The following FAM237B variants were observed in gnomAD, a reference collection of about 807,000 sequenced individuals.
FAM237B encodes protein FAM237B.
In FAM237B at chr7:90,317,380, A is replaced by T. The variant is rs1005875414; in HGVS notation, c.*1949T>A. The stretch of plus-strand genomic sequence containing the variant: ...TGGACATAAAATCACTCATGTTTAC[A>T]CGCTGTCTGGTCATTTTTATGAGAA... On this transcript the variant is annotated 3_prime_UTR_variant, in exon 3 of 3. Coordinates refer to ENST00000692316, the MANE Select transcript of FAM237B (RefSeq NM_001384237.2). 9.2e-5 allele frequency: 14 copies of T among 152,134 alleles called. No individual in the cohort carries two copies. Among genetic ancestry groups the T allele is most frequent in the Admixed American group, 5.2e-4 (8 of 15,272 alleles). The allele number at this position is 152,134 out of a possible 1,614,324, so 9.4% of individuals were successfully genotyped here. A position where few individuals can be genotyped will look rare whatever the true frequency, so the allele number is the denominator to read the frequency against.
chr7:90,319,799 T>A (rs1795145226), intron 2 of FAM237B, 48 bp from the exon 3 acceptor site: 2 of 398,138 alleles, frequency 5.0e-6, no homozygotes, highest in African/African-American at 4.1e-5. Context: ...TTAAAAAAGT[T>A]ATTCAATCAC....
chr7:90,321,166 G>T lies in FAM237B; in HGVS notation c.-295C>A, dbSNP rs1795278159. Reference sequence around the variant, plus strand: ...CAGCGCTGTGTCACCCACCCCGAGCGCTCACCGGGCGCCCAAGCTCGCTCA... The same window carrying T: ...CAGCGCTGTGTCACCCACCCCGAGCTCTCACCGGGCGCCCAAGCTCGCTCA... On this transcript the variant is annotated 5_prime_UTR_variant, in exon 1 of 3. Transcript: ENST00000692316. The T allele has an allele frequency of 6.6e-6, 1 of 152,398 alleles. No individual in the cohort carries two copies. The highest frequency in any genetic ancestry group is 6.5e-5 in the Admixed American group (1 of 15,306). 9.4% of individuals were successfully genotyped at this position (152,398 alleles called of 1,614,324 possible).
rs572495673 is a variant in FAM237B at position 90,321,156 on chromosome 7, C to G, written c.-285G>C. 2.6e-5 allele frequency: 4 copies of G among 152,422 alleles called. No individual in the cohort carries two copies. In the South Asian group the frequency reaches 8.3e-4, roughly 32 times the overall value. The allele number at this position is 152,422 out of a possible 1,614,324, so 9.4% of individuals were successfully genotyped here. ...CTGGGCGAGGCAGCGCTGTGTCACC[C>G]ACCCCGAGCGCTCACCGGGCGCCCA... On this transcript the variant is annotated 5_prime_UTR_variant, in exon 1 of 3. Transcript: ENST00000692316.
chr7:90,319,149 T>C lies in FAM237B; in HGVS notation c.*180A>G, dbSNP rs938012912. The C allele has an allele frequency of 1.6e-5, 6 of 384,618 alleles. No homozygotes were observed. The highest frequency in any genetic ancestry group is 1.0e-4 in the African/African-American group (5 of 48,416). 23.8% of individuals were successfully genotyped at this position (384,618 alleles called of 1,614,324 possible). On this transcript the variant is annotated 3_prime_UTR_variant, in exon 3 of 3. Coordinates refer to ENST00000692316, the MANE Select transcript of FAM237B (RefSeq NM_001384237.2). ...TACCAAAGTGTATTATATTCCAAGA[T>C]CATTTAAAATTGTAAGTCAGAGCTT...
In FAM237B at chr7:90,318,587, A is replaced by C. The variant is rs1053685465; in HGVS notation, c.*742T>G. On this transcript the variant is annotated 3_prime_UTR_variant, in exon 3 of 3. Transcript: ENST00000692316. ...TATAAGATACCTTATAAAATTGGTT[A>C]CAATTTTATTCCATTGACTATTGTA... The C allele has an allele frequency of 6.6e-6, 1 of 152,112 alleles. No individual in the cohort carries two copies. The highest frequency in any genetic ancestry group is 2.4e-5 in the African/African-American group (1 of 41,448). 9.4% of individuals were successfully genotyped at this position (152,112 alleles called of 1,614,324 possible).
Position 90,319,457 on chromosome 7 carries a change from A to G in FAM237B, c.292T>C (p.Trp98Arg). 2.5e-6 allele frequency: 1 copy of G among 398,624 alleles called. No homozygotes were observed. Among genetic ancestry groups the G allele is most frequent in the Non-Finnish European group, 4.4e-6 (1 of 226,044 alleles). The allele number at this position is 398,624 out of a possible 1,614,324, so 24.7% of individuals were successfully genotyped here. A position where few individuals can be genotyped will look rare whatever the true frequency, so the allele number is the denominator to read the frequency against. The change falls in exon 3 of 3, where the codon TGG becomes CGG. Residue 98 changes from tryptophan to arginine, a missense_variant. Trp to Arg is a moderately radical substitution (Grantham distance 101). Transcript: ENST00000692316. ...AGCAAGCAGTCTACATACATGTCCCAGAAATCCTGAGCTATGTTTAAGAAG... is the reference window on the plus strand; with the variant it reads ...AGCAAGCAGTCTACATACATGTCCCGGAAATCCTGAGCTATGTTTAAGAAG... ...NVFLNIAQDF[W>R]DMYVDCLLSR...
At position 90,319,441 on chromosome 7, in the gene FAM237B, T is replaced by C. The variant is rs1209165228; in HGVS notation, c.308A>G (p.Asp103Gly). ...TCCATGAGATCTTGAAAGCAAGCAG[T>C]CTACATACATGTCCCAGAAATCCTG... ...IAQDFWDMYVDCLLSRSHGMG... is the reference protein window; with the variant it reads ...IAQDFWDMYVGCLLSRSHGMG... The change falls in exon 3 of 3, where the codon GAC (aspartate) becomes GGC (glycine). Residue 103 changes from aspartate (D) to glycine (G), a missense_variant. Physicochemically the swap from Asp to Gly is moderately conservative, Grantham distance 94. Transcript: ENST00000692316. 3 of 398,462 alleles carry C rather than the reference T, an allele frequency of 7.5e-6. No homozygotes were observed. In the Admixed American group the frequency reaches 1.3e-4, roughly 18 times the overall value. 24.7% of individuals were successfully genotyped at this position (398,462 alleles called of 1,614,324 possible).
chr7:90,321,250 T>A lies in FAM237B; in HGVS notation c.-379A>T, dbSNP rs1795287535. 1 of 152,274 alleles carries A rather than the reference T, an allele frequency of 6.6e-6. No homozygotes were observed. Among genetic ancestry groups the A allele is most frequent in the African/African-American group, 2.4e-5 (1 of 41,460 alleles). 9.4% of individuals were successfully genotyped at this position (152,274 alleles called of 1,614,324 possible). On this transcript the variant is annotated 5_prime_UTR_variant, in exon 1 of 3. Transcript: ENST00000692316. ...CTGGGAGGCTCTGGCTGGCACTGGC[T>A]CACCGCGGGTGGAGCTGCCGGTTCT... is the stretch of plus-strand genomic sequence containing the variant.
intron 2 of FAM237B, among the ~76,000 whole-genome samples, chr7:90,320,200 A>G (rs1034328951): frequency 6.6e-6 from 1 of 152,222 alleles, no homozygotes; most frequent in Non-Finnish European, 1.5e-5. Flanking sequence ...CATAGGAAGT[A>G]TTTTGTTGTT....
chr7:90,318,534 T>C lies in FAM237B; in HGVS notation c.*795A>G, dbSNP rs922742822. The C allele has an allele frequency of 2.0e-5, 3 of 152,168 alleles. No individual in the cohort carries two copies. The highest frequency in any genetic ancestry group is 7.2e-5 in the African/African-American group (3 of 41,472). The allele number at this position is 152,168 out of a possible 1,614,324, so 9.4% of individuals were successfully genotyped here. ...TTTAGGATAATACTGCCATTAGTTT[T>C]GGCACAGTTTAATAGTCAATATTAA... On this transcript the variant is annotated 3_prime_UTR_variant, in exon 3 of 3. Coordinates refer to ENST00000692316, the MANE Select transcript of FAM237B (RefSeq NM_001384237.2).
chr7:90,320,145 A>G (rs749610451), intron 2 of FAM237B, among the ~76,000 whole-genome samples: 14 of 152,196 alleles, frequency 9.2e-5, no homozygotes, highest in Non-Finnish European at 1.8e-4. Context: ...CTACCACAAC[A>G]CATTTCAACT....
rs1348026590 is a variant in FAM237B at position 90,320,153 on chromosome 7, A to G, written c.-3-402T>C. Among the ~76,000 whole-genome samples the G allele has an allele frequency of 3.3e-5, 5 of 152,206 alleles. No individual in the cohort carries two copies. The South Asian group carries it at 8.3e-4, about 25-fold the overall frequency. The stretch of plus-strand genomic sequence containing the variant: ...CTCCTACCTACCACAACACATTTCA[A>G]CTAAGTGGATCAAAATACAGTCCTT... On this transcript the variant is annotated intron_variant, in intron 2 of 2. Transcript: ENST00000692316.
rs770034397 is a variant in FAM237B at position 90,318,623 on chromosome 7, A to G, written c.*706T>C. ...CCATTGACTATTGTATCTAAAAAAT[A>G]TATCACATTTGCCTTTTAACTGATG... On this transcript the variant is annotated 3_prime_UTR_variant, in exon 3 of 3. Coordinates refer to ENST00000692316, the MANE Select transcript of FAM237B (RefSeq NM_001384237.2). 1 of 152,138 alleles carries G rather than the reference A, an allele frequency of 6.6e-6. No individual in the cohort carries two copies. The highest frequency in any genetic ancestry group is 6.5e-5 in the Admixed American group (1 of 15,270). The allele number at this position is 152,138 out of a possible 1,614,324, so 9.4% of individuals were successfully genotyped here.
chr7:90,318,992 A>G lies in FAM237B; in HGVS notation c.*337T>C, dbSNP rs544298812. On this transcript the variant is annotated 3_prime_UTR_variant, in exon 3 of 3. Coordinates refer to ENST00000692316, the MANE Select transcript of FAM237B (RefSeq NM_001384237.2). ...CTGCTTTTATACAACCCTATTGAAA[A>G]AATTAATTTCAAAAGCCTAAATACA... The G allele has an allele frequency of 6.0e-6, 1 of 165,836 alleles. No homozygotes were observed. The highest frequency in any genetic ancestry group is 2.4e-5 in the African/African-American group (1 of 42,204). 10.3% of individuals were successfully genotyped at this position (165,836 alleles called of 1,614,324 possible). A position where few individuals can be genotyped will look rare whatever the true frequency, so the allele number is the denominator to read the frequency against.
At position 90,319,308 on chromosome 7, in the gene FAM237B, C is replaced by G; in HGVS notation, c.*21G>C. 2.5e-6 allele frequency: 1 copy of G among 398,004 alleles called. No individual in the cohort carries two copies. Among genetic ancestry groups the G allele is most frequent in the Non-Finnish European group, 4.4e-6 (1 of 225,684 alleles). The allele number at this position is 398,004 out of a possible 1,614,324, so 24.7% of individuals were successfully genotyped here. A position where few individuals can be genotyped will look rare whatever the true frequency, so the allele number is the denominator to read the frequency against. On this transcript the variant is annotated 3_prime_UTR_variant, in exon 3 of 3. Coordinates refer to ENST00000692316, the MANE Select transcript of FAM237B (RefSeq NM_001384237.2). ...AAAAATCAGAAGAATTAAATAGTGA[C>G]TTTTAAAGAAAAGTAAACTGCTATT...
chr7:90,317,052 T>G lies in FAM237B; in HGVS notation c.*2277A>C, dbSNP rs1360548764. The G allele has an allele frequency of 1.3e-5, 2 of 151,990 alleles. No individual in the cohort carries two copies. Among genetic ancestry groups the G allele is most frequent in the Non-Finnish European group, 2.9e-5 (2 of 67,990 alleles). 9.4% of individuals were successfully genotyped at this position (151,990 alleles called of 1,614,324 possible). A position where few individuals can be genotyped will look rare whatever the true frequency, so the allele number is the denominator to read the frequency against. Reference sequence around the variant, plus strand: ...TGCCTCTAGGTACCACTTCGGCTCCTCTGCAGGAAATGAATTCTAGGTGGA... The same window carrying G: ...TGCCTCTAGGTACCACTTCGGCTCCGCTGCAGGAAATGAATTCTAGGTGGA... On this transcript the variant is annotated 3_prime_UTR_variant, in exon 3 of 3. Transcript: ENST00000692316.
In FAM237B at chr7:90,316,810, T is replaced by A. The variant is rs1229904038; in HGVS notation, c.*2519A>T. 2 of 152,176 alleles carry A rather than the reference T, an allele frequency of 1.3e-5. No homozygotes were observed. Among genetic ancestry groups the A allele is most frequent in the Non-Finnish European group, 1.5e-5 (1 of 68,018 alleles). The allele number at this position is 152,176 out of a possible 1,614,324, so 9.4% of individuals were successfully genotyped here. ...AAAGAACTAGAAAACCATTTTGCCA[T>A]TAACTGGAAGACTAATTTTATTGAT... is the stretch of plus-strand genomic sequence containing the variant. On this transcript the variant is annotated 3_prime_UTR_variant, in exon 3 of 3. Transcript: ENST00000692316.
chr7:90,318,233 T>G lies in FAM237B; in HGVS notation c.*1096A>C, dbSNP rs748939235. ...TTTCCTTTTCTTCGGTATATTTCTTTAAAGCTTCACATCCTTTTTGAAATA... is the reference window on the plus strand; with the variant it reads ...TTTCCTTTTCTTCGGTATATTTCTTGAAAGCTTCACATCCTTTTTGAAATA... On this transcript the variant is annotated 3_prime_UTR_variant, in exon 3 of 3. Coordinates refer to ENST00000692316, the MANE Select transcript of FAM237B (RefSeq NM_001384237.2). 2.4e-4 allele frequency: 36 copies of G among 152,206 alleles called. No individual in the cohort carries two copies. Among genetic ancestry groups the G allele is most frequent in the Non-Finnish European group, 4.7e-4 (32 of 68,008 alleles). 9.4% of individuals were successfully genotyped at this position (152,206 alleles called of 1,614,324 possible).
In FAM237B at chr7:90,319,663, T is replaced by C; in HGVS notation, c.86A>G (p.Gln29Arg). 1 of 398,582 alleles carries C rather than the reference T, an allele frequency of 2.5e-6. No homozygotes were observed. The highest frequency in any genetic ancestry group is 4.4e-6 in the Non-Finnish European group (1 of 226,056). The allele number at this position is 398,582 out of a possible 1,614,324, so 24.7% of individuals were successfully genotyped here. Residue 29 changes from glutamine (Q) to arginine (R), a missense_variant, in exon 3 of 3, where the codon CAA becomes CGA. Physicochemically the swap from Gln to Arg is conservative, Grantham distance 43. Transcript: ENST00000692316. Reference sequence around the variant, plus strand: ...GCTGATGCTGGCAAGCACTCCTTTTTGAAACTCAAAGTCAGCATTAACCAG... The same window carrying C: ...GCTGATGCTGGCAAGCACTCCTTTTCGAAACTCAAAGTCAGCATTAACCAG... ...INLVNADFEFQKGVLASISPG... is the reference protein window; with the variant it reads ...INLVNADFEFRKGVLASISPG...
Sources: allele counts gnomAD v4.1 joint callset (sites outside exome capture counted in the v4.1 genomes callset), GRCh38; gene constraint gnomAD v4.1.1; transcripts MANE v1.5; gene names NCBI Gene and HGNC (gene_info 2026-07-23, HGNC 2026-07-21).